GAB2: variants seen among roughly 807,000 people sequenced by gnomAD.
GAB2 encodes GRB2 associated binding protein 2, also known as GRB2-associated-binding protein 2.
GAB2 carries 26 observed loss-of-function variants against 65.5 expected under a neutral mutation model. The observed-to-expected ratio is 0.40, with a 90% CI of 0.29 to 0.55. GAB2 has a LOEUF of 0.55. Among genes scored for constraint, GAB2 ranks in the 20% least tolerant of loss-of-function variants. The probability of loss-of-function intolerance (pLI) is 0.53; values close to 1 mark genes in which losing one functional copy is unlikely to be tolerated. For synonymous variants in GAB2, 321 were observed against 329.6 expected, an observed-to-expected ratio of 0.97 and a Z score of 0.28; for missense variants, 884 against 875.8, an observed-to-expected ratio of 1.01 and a Z score of -0.12.
intron 2 of GAB2, among the ~76,000 whole-genome samples, chr11:78,255,557 C>G (rs1865573421): frequency 6.6e-6 from 1 of 152,204 alleles, no homozygotes; most frequent in African/African-American, 2.4e-5. Flanking sequence ...GTGGTTCCAA[C>G]CCCCAATTCT....
intron 1 of GAB2, among the ~76,000 whole-genome samples, chr11:78,348,019 A>G (rs56861418): frequency 8.5e-5 from 13 of 152,190 alleles, no homozygotes; most frequent in Non-Finnish European, 1.6e-4. Context: ...AGAGAAAAAA[A>G]TCATAAGGAA....
chr11:78,304,990 T>C (rs1274854027), intron 1 of GAB2, among the ~76,000 whole-genome samples: 1 of 152,222 alleles, frequency 6.6e-6, no homozygotes, highest in Non-Finnish European at 1.5e-5. Context: ...AAAGCCTTCC[T>C]TACTCTCTCT....
At chr11:78,292,748 C>T (rs777468277) in intron 1 of GAB2, among the ~76,000 whole-genome samples, 41 of 152,146 alleles carry the variant, frequency 2.7e-4, no homozygotes, top group Non-Finnish European at 5.3e-4. Flanking sequence ...AGCAATCCTT[C>T]GACTACTCTG....
chr11:78,337,217 C>T (rs147560861), intron 1 of GAB2, among the ~76,000 whole-genome samples: 337 of 152,250 alleles, frequency 2.2e-3, no homozygotes, highest in African/African-American at 7.9e-3. Context: ...TGCTTCTCAG[C>T]GTAGATTTCA....
At chr11:78,318,406 C>T in intron 1 of GAB2, among the ~76,000 whole-genome samples, 1 of 48,800 alleles carries the variant, frequency 2.0e-5, no homozygotes, top group East Asian at 2.6e-4. Flanking sequence ...AGGAGCTTGA[C>T]TTTCATCCTG....
intron 2 of GAB2, among the ~76,000 whole-genome samples, chr11:78,258,834 T>C (rs976341431): frequency 3.9e-5 from 6 of 152,202 alleles, no homozygotes; most frequent in African/African-American, 1.4e-4. Flanking sequence ...GGTACCCTTT[T>C]TGATTTTCAT....
chr11:78,413,009 C>T (rs75169775), intron 1 of GAB2, among the ~76,000 whole-genome samples: 1 of 152,144 alleles, frequency 6.6e-6, no homozygotes, highest in East Asian at 1.9e-4. Context: ...AAAGATGATG[C>T]CCAAGTTTCT....
intron 1 of GAB2, among the ~76,000 whole-genome samples, chr11:78,333,890 G>A (rs1381571657): frequency 2.0e-5 from 3 of 151,984 alleles, no homozygotes; most frequent in Admixed American, 6.6e-5. Context: ...TGATCCCTGG[G>A]ATTTCACCCT....
intron 1 of GAB2, among the ~76,000 whole-genome samples, chr11:78,357,393 C>A (rs1856373732): frequency 6.6e-6 from 1 of 152,106 alleles, no homozygotes; most frequent in Non-Finnish European, 1.5e-5. Flanking sequence ...GCAATGGCAA[C>A]AAAAGCCAAA....
At chr11:78,406,146 G>C (rs577531890) in intron 1 of GAB2, among the ~76,000 whole-genome samples, 12 of 152,328 alleles carry the variant, frequency 7.9e-5, no homozygotes, top group Middle Eastern at 6.8e-3. Context: ...AGAGTCACTG[G>C]AGACCACATG....
At chr11:78,365,598 A>C (rs759724332) in intron 1 of GAB2, among the ~76,000 whole-genome samples, 3 of 152,176 alleles carry the variant, frequency 2.0e-5, no homozygotes, top group Non-Finnish European at 4.4e-5. Flanking sequence ...AATGAAGTAC[A>C]GTCACTGATT....
At chr11:78,395,812 C>A (rs151132722) in intron 1 of GAB2, among the ~76,000 whole-genome samples, 2 of 152,330 alleles carry the variant, frequency 1.3e-5, no homozygotes, top group African/African-American at 4.8e-5. Flanking sequence ...CTTGCCCACA[C>A]CCACAAAGCA....
At chr11:78,308,110 T>C (rs1855410473) in intron 1 of GAB2, among the ~76,000 whole-genome samples, 3 of 152,150 alleles carry the variant, frequency 2.0e-5, no homozygotes, top group Admixed American at 2.0e-4. Flanking sequence ...TCCAGATGCT[T>C]GGGCCTATAA....
chr11:78,349,697 T>G (rs1300781424), intron 1 of GAB2, among the ~76,000 whole-genome samples: 4 of 152,152 alleles, frequency 2.6e-5, no homozygotes, highest in Admixed American at 6.5e-5. Context: ...AAATTTTTTT[T>G]AAGTCGGTGA....
At chr11:78,413,334 G>A (rs1280568494) in intron 1 of GAB2, among the ~76,000 whole-genome samples, 3 of 152,178 alleles carry the variant, frequency 2.0e-5, no homozygotes, top group Non-Finnish European at 4.4e-5. Flanking sequence ...GGATAAAAGG[G>A]TCAGTCTAGC....
intron 3 of GAB2, among the ~76,000 whole-genome samples, chr11:78,242,371 G>A (rs12099281): frequency 0.012 from 1,854 of 152,016 alleles, 44 homozygotes; most frequent in African/African-American, 0.042. Flanking sequence ...GTGTGGTGGC[G>A]GGCACCTGTA....
chr11:78,279,536 T>C (rs763584240), intron 2 of GAB2, among the ~76,000 whole-genome samples: 73 of 152,176 alleles, frequency 4.8e-4, no homozygotes, highest in Non-Finnish European at 9.0e-4. Context: ...CATGAAAGTG[T>C]ACAAATATCA....
intron 2 of GAB2, among the ~76,000 whole-genome samples, chr11:78,271,312 G>A (rs1938220477): frequency 2.0e-5 from 3 of 152,214 alleles, no homozygotes; most frequent in South Asian, 4.1e-4. Flanking sequence ...CAAGAGGCAG[G>A]TGAGGTTCTT....
intron 1 of GAB2, among the ~76,000 whole-genome samples, chr11:78,345,372 T>G (rs994188522): frequency 2.6e-5 from 4 of 152,198 alleles, no homozygotes. Context: ...TAGAGTTATA[T>G]AATCACCTGG....
Sources: gnomAD v4.1 joint callset for allele counts (sites outside exome capture counted in the v4.1 genomes callset) on GRCh38, gnomAD v4.1.1 for gene constraint, MANE v1.5 for transcripts, NCBI Gene and HGNC (gene_info 2026-07-23, HGNC 2026-07-21) for gene names.